The following HGS variants were observed in gnomAD, a reference collection of about 807,000 sequenced individuals.
The protein encoded by HGS is hepatocyte growth factor-regulated tyrosine kinase substrate.
In HGS, 63 loss-of-function variants were observed where a neutral mutation model predicts 109.7. That is an observed-to-expected ratio of 0.57 (90% CI 0.47 to 0.71). The LOEUF is 0.71. Ranked by LOEUF, HGS falls within the 30% of genes least tolerant of loss-of-function variation. The pLI is 0.00. For missense variants in HGS, 995 were observed against 1,068.3 expected (o/e 0.93, Z 0.96); for synonymous variants, 546 against 437.3 (o/e 1.25, Z -3.10).
Position 81,691,313 on chromosome 17 carries a change from A to G in HGS, c.538-134A>G. ...CCCCGGCCTTAGGGTCTTCCCAGGC[A>G]CTTGTTCTGCTTGTCCCTTGCCTTC... is the stretch of plus-strand genomic sequence containing the variant. On this transcript the variant is annotated intron_variant, in intron 7 of 21. Transcript: ENST00000329138. The surrounding 1 kb of genome is among the most constrained non-coding windows in gnomAD (Gnocchi z 5.3). 5.4e-6 allele frequency: 6 copies of G among 1,102,480 alleles called. No individual in the cohort carries two copies. Among genetic ancestry groups the G allele is most frequent in the East Asian group, 4.8e-5 (2 of 42,072 alleles). The allele number at this position is 1,102,480 out of a possible 1,614,324, so 68.3% of individuals were successfully genotyped here. A position where few individuals can be genotyped will look rare whatever the true frequency, so the allele number is the denominator to read the frequency against.
rs568446680 is a variant in HGS at position 81,686,748 on chromosome 17, T to C, written c.199-255T>C. Among the ~76,000 whole-genome samples, 6 of 151,510 alleles carry C rather than the reference T, an allele frequency of 4.0e-5. No individual in the cohort carries two copies. In the East Asian group the frequency reaches 8.0e-4, roughly 20 times the overall value. ...TTCCCCACTGGCCTGACGGGCCTGT[T>C]GAAGGGCTGCTGTCCCACCGGGTTC... On this transcript the variant is annotated intron_variant, in intron 3 of 21. Coordinates refer to ENST00000329138, the MANE Select transcript of HGS (RefSeq NM_004712.5).
intron 6 of HGS, 104 bp from the exon 7 acceptor site, chr17:81,690,570 G>A: frequency 1.8e-6 from 2 of 1,140,402 alleles, no homozygotes; most frequent in Non-Finnish European, 2.5e-6. Flanking sequence ...GCTCGTGCTG[G>A]GGTCCTCTCT....
At chr17:81,685,845 G>T (rs1056095964) in intron 2 of HGS, among the ~76,000 whole-genome samples, 156 bp downstream of exon 2, 1 of 152,214 alleles carries the variant, frequency 6.6e-6, no homozygotes, top group African/African-American at 2.4e-5. Context: ...TTGACATCTT[G>T]GAGGATTAAG....
At chr17:81,693,395 C>T in intron 8 of HGS, 108 bp from the exon 9 acceptor site, 1 of 800,398 alleles carries the variant, frequency 1.2e-6, no homozygotes, top group Non-Finnish European at 2.2e-6. Flanking sequence ...CCACTGTCCT[C>T]ACTCTGTGGG....
In HGS at chr17:81,694,975, C is replaced by T. The variant is rs372381825; in HGVS notation, c.1027C>T (p.Arg343Cys). The change falls in exon 13 of 22, where the codon CGC (arginine) becomes TGC (cysteine). Residue 343 changes from arginine (R) to cysteine (C), a missense_variant. Arg to Cys is a radical substitution (Grantham distance 180). Coordinates refer to ENST00000329138, the MANE Select transcript of HGS (RefSeq NM_004712.5). Reference sequence around the variant, plus strand: ...CTGGGAGAAGAAGCAGGAGGAGGCTCGCAAGAGCCCCACGCCATCTGCGCC... The same window carrying T: ...CTGGGAGAAGAAGCAGGAGGAGGCTTGCAAGAGCCCCACGCCATCTGCGCC... ...NYWEKKQEEA[R>C]KSPTPSAPVP... 1.4e-5 allele frequency: 23 copies of T among 1,614,140 alleles called. 2 individuals are homozygous for T. The highest frequency in any genetic ancestry group is 1.6e-4 in the Middle Eastern group (1 of 6,062).
chr17:81,695,902 C>A lies in HGS; in HGVS notation c.1296C>A (p.Ser432Arg). Residue 432 changes from serine (S) to arginine (R), a missense_variant, in exon 15 of 22, where the codon AGC (serine) becomes AGA (arginine). By Grantham distance (110) the Ser-to-Arg change is moderately radical. Transcript: ENST00000329138. The part of the protein sequence containing the change: ...RMKSNHMRGR[S>R]ITNDSAVLSL... Reference sequence around the variant, plus strand: ...AGAGTAACCACATGCGGGGCCGCAGCATCACCAATGACTCGGCCGTGCTCT... The same window carrying A: ...AGAGTAACCACATGCGGGGCCGCAGAATCACCAATGACTCGGCCGTGCTCT... 6.2e-6 allele frequency: 10 copies of A among 1,611,432 alleles called. No homozygotes were observed. Among genetic ancestry groups the A allele is most frequent in the Non-Finnish European group, 8.5e-6 (10 of 1,178,444 alleles).
chr17:81,697,037 C>G, intron 18 of HGS, 39 bp downstream of exon 18: 1 of 1,502,658 alleles, frequency 6.7e-7, no homozygotes, highest in Admixed American at 2.2e-5. Flanking sequence ...CCTTTTATCC[C>G]TCGTCTTTAT....
Position 81,690,775 on chromosome 17 carries a change from G to A in HGS, c.537+33G>A, listed in dbSNP as rs183906926. On this transcript the variant is annotated intron_variant, in intron 7 of 21. Transcript: ENST00000329138. ...CCCACCTGGGGGGCTCTACAGCCCC[G>A]GCCAGACACCAGGTCCCCTGCCGTG... 615 of 1,582,324 alleles carry A rather than the reference G, an allele frequency of 3.9e-4. 6 individuals are homozygous for A. In the East Asian group the frequency reaches 0.011, roughly 27 times the overall value.
Position 81,688,788 on chromosome 17 carries a change from A to T in HGS, c.376A>T (p.Lys126Ter), listed in dbSNP as rs779178497. 1 of 1,614,156 alleles carries T rather than the reference A, an allele frequency of 6.2e-7. No individual in the cohort carries two copies. Among genetic ancestry groups the T allele is most frequent in the Admixed American group, 1.7e-5 (1 of 60,022 alleles). The change falls in exon 5 of 22, where the codon AAG (lysine) becomes TAG (stop). Residue 126 changes from lysine (K) to a stop codon, truncating the protein, a stop_gained. Transcript: ENST00000329138. LOFTEE classifies it high-confidence loss of function. ...TGCCTTCCGGAACGAGCCCAAGTACAAGGTGGTCCAGGACACCTACCAGAT... is the reference window on the plus strand; with the variant it reads ...TGCCTTCCGGAACGAGCCCAAGTACTAGGTGGTCCAGGACACCTACCAGAT... ...AHAFRNEPKY[K>*]VVQDTYQIMK...
chr17:81,684,033 C>A lies in HGS; in HGVS notation c.-34C>A. 1 of 1,579,028 alleles carries A rather than the reference C, an allele frequency of 6.3e-7. No individual in the cohort carries two copies. Among genetic ancestry groups the A allele is most frequent in the Non-Finnish European group, 8.6e-7 (1 of 1,166,222 alleles). ...GGCGCGCCAGCTCGTAGCAGGGGAG[C>A]GCCCGCGGCGTCGGGTTTGGGCTGG... is the stretch of plus-strand genomic sequence containing the variant. On this transcript the variant is annotated 5_prime_UTR_variant, in exon 1 of 22. Coordinates refer to ENST00000329138, the MANE Select transcript of HGS (RefSeq NM_004712.5).
Position 81,696,741 on chromosome 17 carries a change from C to G in HGS, c.1701C>G (p.Tyr567Ter). 6.2e-7 allele frequency: 1 copy of G among 1,606,182 alleles called. No individual in the cohort carries two copies. The highest frequency in any genetic ancestry group is 1.1e-5 in the South Asian group (1 of 90,664). ...AGATGCCCGCCTTCCCCCTGCCCTA[C>G]GCCCAGGCATGTGCCATCCTCCCGC... Reference protein sequence around the residue: ...RAQMPAFPLPYAQLQAMPAAG... With the variant: ...RAQMPAFPLP Residue 567 changes from tyrosine (Y) to a stop codon, truncating the protein, a stop_gained, in exon 17 of 22, where the codon TAC (tyrosine) becomes TAG (stop). Transcript: ENST00000329138. LOFTEE classifies it high-confidence loss of function.
intron 18 of HGS, chr17:81,697,964 G>C (rs1238334470): frequency 2.6e-5 from 4 of 152,016 alleles, no homozygotes; most frequent in African/African-American, 9.7e-5. Flanking sequence ...TCAGCCTCTT[G>C]AGTAGCTGGG....
In HGS at chr17:81,701,597, C is replaced by T; in HGVS notation, c.2313C>T (p.Ala771=). The T allele has an allele frequency of 6.4e-7, 1 of 1,567,990 alleles. No homozygotes were observed. Among genetic ancestry groups the T allele is most frequent in the Non-Finnish European group, 8.6e-7 (1 of 1,163,668 alleles). The stretch of plus-strand genomic sequence containing the variant: ...GGCCGCCGGCACAGGGCAGCGAGGC[C>T]CAGCTCATTTCATTCGACTGACCCA... ...AQGPPAQGSE[A]QLISFD Residue 771 remains alanine, a synonymous_variant, in exon 22 of 22, where the codon GCC becomes GCT. Coordinates refer to ENST00000329138, the MANE Select transcript of HGS (RefSeq NM_004712.5).
At chr17:81,695,644 G>T in intron 14 of HGS, 142 bp from the exon 15 acceptor site, 1 of 740,042 alleles carries the variant, frequency 1.4e-6, no homozygotes, top group South Asian at 1.7e-5. Context: ...GCCTTCCTCA[G>T]CTGTAGAAGG....
rs935484830 is a variant in HGS at position 81,684,060 on chromosome 17, G to A, written c.-7G>A. On this transcript the variant is annotated 5_prime_UTR_variant, in exon 1 of 22. Coordinates refer to ENST00000329138, the MANE Select transcript of HGS (RefSeq NM_004712.5). ...CCCGCGGCGTCGGGTTTGGGCTGGA[G>A]GTCGCCATGGGGCGAGGCAGCGGCA... The A allele has an allele frequency of 8.2e-6, 13 of 1,593,888 alleles. No individual in the cohort carries two copies. The highest frequency in any genetic ancestry group is 1.3e-5 in the African/African-American group (1 of 74,564).
At chr17:81,687,776 C>T (rs1287779499) in intron 4 of HGS, among the ~76,000 whole-genome samples, 1 of 152,068 alleles carries the variant, frequency 6.6e-6, no homozygotes, top group Non-Finnish European at 1.5e-5. Context: ...CCCTTCTGTC[C>T]CAACCTGTGG....
At position 81,685,635 on chromosome 17, in the gene HGS, C is replaced by T. The variant is rs2144482047; in HGVS notation, c.68C>T (p.Thr23Ile). The T allele has an allele frequency of 6.2e-7, 1 of 1,611,952 alleles. No individual in the cohort carries two copies. Residue 23 changes from threonine (T) to isoleucine (I), a missense_variant, in exon 2 of 22, where the codon ACA (threonine) becomes ATA (isoleucine). By Grantham distance (89) the Thr-to-Ile change is moderately conservative. Coordinates refer to ENST00000329138, the MANE Select transcript of HGS (RefSeq NM_004712.5). ...DKATSQLLLETDWESILQICD... is the reference protein window; with the variant it reads ...DKATSQLLLEIDWESILQICD... ...GCGACCAGCCAGCTCCTGTTGGAGA[C>T]AGATTGGGAGTCCATTTTGCAGATC...
At chr17:81,698,286 AACTCCAT>A (rs2037184608) in intron 18 of HGS, 4 of 152,228 alleles carry the variant, frequency 2.6e-5, no homozygotes, top group Non-Finnish European at 5.9e-5. Flanking sequence ...AACAGAGTGA[AACTCCAT>A]CTCAAAAAAA....
At chr17:81,690,822 G>A in intron 7 of HGS, 80 bp downstream of exon 7, 2 of 1,285,924 alleles carry the variant, frequency 1.6e-6, no homozygotes, top group Non-Finnish European at 2.2e-6. Flanking sequence ...CGTCCCTGCT[G>A]GGCCTTTCCT....
Sources: allele counts gnomAD v4.1 joint callset (sites outside exome capture counted in the v4.1 genomes callset), GRCh38; gene constraint gnomAD v4.1.1; non-coding constraint Gnocchi (gnomAD v3.1); transcripts MANE v1.5; gene names NCBI Gene and HGNC (gene_info 2026-07-23, HGNC 2026-07-21).